The following RBFOX2 variants were observed in gnomAD, a reference collection of about 807,000 sequenced individuals.
The protein encoded by RBFOX2 is RNA binding protein fox-1 homolog 2.
RBFOX2 carries 10 observed loss-of-function variants against 49.1 expected under a neutral mutation model. The observed-to-expected ratio is 0.20, with a 90% confidence interval of 0.13 to 0.35. The LOEUF (loss-of-function observed/expected upper bound fraction) is 0.35, where lower values mean the gene tolerates loss of function less well. Among genes scored for constraint, RBFOX2 ranks in the 10% least tolerant of loss-of-function variants. The pLI is 1.00. For synonymous variants in RBFOX2, 183 were observed against 187.4 expected, an observed-to-expected ratio of 0.98 and a Z score of 0.19; for missense variants, 323 against 486.9, an observed-to-expected ratio of 0.66 and a Z score of 3.17.
chr22:35,807,318 A>G (rs570577808), intron 2 of RBFOX2, among the ~76,000 whole-genome samples: 20 of 152,322 alleles, frequency 1.3e-4, no homozygotes, highest in Middle Eastern at 6.8e-3. Context: ...GAAAAAACCA[A>G]TTGGTTAAGA....
intron 1 of RBFOX2, among the ~76,000 whole-genome samples, chr22:35,922,571 CA>C (rs879283014): frequency 2.1e-3 from 261 of 125,000 alleles, no homozygotes; most frequent in African/African-American, 2.4e-3. Context: ...GACTCCATTT[CA>C]AAAAAAAAAA....
intron 1 of RBFOX2, among the ~76,000 whole-genome samples, chr22:35,895,251 G>C (rs1039810878): frequency 6.6e-6 from 1 of 152,182 alleles, no homozygotes; most frequent in Non-Finnish European, 1.5e-5. Flanking sequence ...ACAGGGATGG[G>C]TGGGGTCAGT....
At chr22:35,746,277 G>T (rs552605118) in intron 10 of RBFOX2, among the ~76,000 whole-genome samples, 196 bp downstream of exon 12, 1 of 152,236 alleles carries the variant, frequency 6.6e-6, no homozygotes, top group African/African-American at 2.4e-5. Flanking sequence ...AAGAAAGAGG[G>T]AGTGGAGGAC....
intron 1 of RBFOX2, among the ~76,000 whole-genome samples, chr22:35,985,897 T>C (rs886762726): frequency 5.2e-5 from 7 of 134,822 alleles, no homozygotes; most frequent in African/African-American, 8.3e-5. Flanking sequence ...GATAGATAGA[T>C]AGATGGATAG....
intron 1 of RBFOX2, among the ~76,000 whole-genome samples, chr22:35,934,166 T>TA (rs60959348): frequency 3.1e-3 from 446 of 141,744 alleles, no homozygotes; most frequent in Non-Finnish European, 3.5e-3. Flanking sequence ...TGTTCCTCTT[T>TA]AAAAAAAAAA....
Position 35,817,684 on chromosome 22 carries a change from G to A in RBFOX2, c.28-7680C>T, listed in dbSNP as rs567534505. 9.9e-5 allele frequency among the ~76,000 whole-genome samples: 15 copies of A among 152,144 alleles called. 1 individual carries two copies. In the South Asian group the frequency reaches 3.1e-3, roughly 31 times the overall value. ...CCTCACAATGGATCCTTCTTTTAGC[G>A]TGGGTATAACTAAAGAATCAGGACC... On this transcript the variant is annotated intron_variant, in intron 1 of 11. Coordinates refer to ENST00000405409, the Ensembl canonical transcript of RBFOX2.
Position 35,968,386 on chromosome 22 carries a change from G to A in RBFOX2, c.187-29489C>T, listed in dbSNP as rs557365856. ...TGCGCCTCTCTTAAACACACAGAACGGGAGGGAAAAGAAGCAGTCTGATAA... is the reference window on the plus strand; with the variant it reads ...TGCGCCTCTCTTAAACACACAGAACAGGAGGGAAAAGAAGCAGTCTGATAA... On this transcript the variant is annotated intron_variant, in intron 1 of 13. Coordinates refer to the RBFOX2 transcript ENST00000438146. 8.5e-5 allele frequency among the ~76,000 whole-genome samples: 13 copies of A among 152,226 alleles called. No individual in the cohort carries two copies. In the South Asian group the frequency reaches 1.7e-3, roughly 19 times the overall value.
chr22:35,798,951 T>C (rs1356878879), intron 2 of RBFOX2, among the ~76,000 whole-genome samples: 1 of 152,210 alleles, frequency 6.6e-6, no homozygotes, highest in African/African-American at 2.4e-5. Flanking sequence ...TTCTGTTACC[T>C]AAACTGATGT....
intron 1 of RBFOX2, among the ~76,000 whole-genome samples, chr22:35,911,414 T>C (rs543365873): frequency 7.2e-5 from 11 of 152,254 alleles, no homozygotes; most frequent in Non-Finnish European, 1.2e-4. Context: ...ATATGGGAAA[T>C]GGAAATGGCA....
intron 1 of RBFOX2, among the ~76,000 whole-genome samples, chr22:36,024,964 C>G (rs995497577): frequency 6.6e-6 from 1 of 151,836 alleles, no homozygotes; most frequent in African/African-American, 2.4e-5. Flanking sequence ...CCTGCCACCA[C>G]GCCTGGCTAA....
intron 1 of RBFOX2, among the ~76,000 whole-genome samples, chr22:35,845,795 T>C (rs536831365): frequency 1.3e-4 from 20 of 152,260 alleles, no homozygotes; most frequent in Admixed American, 3.3e-4. Flanking sequence ...TCTGTGAAAA[T>C]TGAAGACTGC....
intron 1 of RBFOX2, among the ~76,000 whole-genome samples, chr22:35,975,606 C>T (rs190468116): frequency 1.1e-3 from 164 of 152,178 alleles, no homozygotes; most frequent in African/African-American, 3.8e-3. Flanking sequence ...CCCAGTAAAT[C>T]CTAACCTTGG....
chr22:35,742,836 T>A (rs1449477994), exon 12 of RBFOX2: 1 of 152,462 alleles, frequency 6.6e-6, no homozygotes, highest in African/African-American at 2.4e-5. Context: ...GGCAGCAATC[T>A]CAGGGCCTCT....
intron 1 of RBFOX2, among the ~76,000 whole-genome samples, chr22:35,875,503 T>C (rs1327833352): frequency 6.6e-6 from 1 of 152,066 alleles, no homozygotes; most frequent in Non-Finnish European, 1.5e-5. Context: ...TTTCATTCAA[T>C]GAATGAGCGG....
At chr22:35,981,113 G>A (rs530264789) in intron 1 of RBFOX2, among the ~76,000 whole-genome samples, 3 of 152,216 alleles carry the variant, frequency 2.0e-5, no homozygotes, top group Admixed American at 6.5e-5. Flanking sequence ...CCAAAACAAC[G>A]TTATGGTAGT....
intron 1 of RBFOX2, among the ~76,000 whole-genome samples, chr22:35,831,038 G>A (rs1400054775): frequency 1.3e-5 from 2 of 152,104 alleles, no homozygotes; most frequent in African/African-American, 4.8e-5. Context: ...AGGAAATTGC[G>A]AGGTCCTGTA....
At chr22:35,875,610 GTGTGTGTGTGTGTGTGT>G (rs2044955480) in intron 1 of RBFOX2, among the ~76,000 whole-genome samples, 4 of 14,838 alleles carry the variant, frequency 2.7e-4, no homozygotes, top group Non-Finnish European at 6.4e-4. Context: ...TCACAAGGGT[GTGTGTGTGTGTGTGTGT>G]GTGTGTGTGT....
chr22:35,999,165 T>C (rs772969375), intron 1 of RBFOX2: 8 of 152,180 alleles, frequency 5.3e-5, no homozygotes, highest in Non-Finnish European at 1.2e-4. Context: ...AATGTGCTCA[T>C]GGTAGTAACC....
chr22:35,876,651 A>G (rs2045129399), intron 1 of RBFOX2, among the ~76,000 whole-genome samples: 1 of 151,600 alleles, frequency 6.6e-6, no homozygotes, highest in South Asian at 2.1e-4. Flanking sequence ...CTAAAAATGC[A>G]TTTTTATTTC....
Sources: gnomAD v4.1 joint callset for allele counts (sites outside exome capture counted in the v4.1 genomes callset) on GRCh38, gnomAD v4.1.1 for gene constraint, MANE v1.5 for transcripts, NCBI Gene and HGNC (gene_info 2026-07-23, HGNC 2026-07-21) for gene names.